NLGN4X: variants seen among roughly 807,000 people sequenced by gnomAD.
The protein encoded by NLGN4X is neuroligin 4 X-linked, also known as neuroligin-4, X-linked.
In NLGN4X, 3 loss-of-function variants were observed where a neutral mutation model predicts 40.3. That is an observed-to-expected ratio of 0.07 (90% CI 0.03 to 0.19). The LOEUF (loss-of-function observed/expected upper bound fraction) is 0.19. Among genes scored for constraint, NLGN4X ranks in the 10% least tolerant of loss-of-function variants. The pLI is 1.00. For synonymous variants in NLGN4X, 270 were observed against 306.8 expected (o/e 0.88, Z 1.25); for missense variants, 382 against 708.3 (o/e 0.54, Z 5.23).
At chrX:6,040,439 T>TAA (rs746194241) in intron 2 of NLGN4X, among the ~76,000 whole-genome samples, 7 of 99,061 alleles carry the variant, frequency 7.1e-5, no homozygotes, top group African/African-American at 1.8e-4. Flanking sequence ...ATAAGTATTA[T>TAA]AATTTATCAC....
intron 2 of NLGN4X, among the ~76,000 whole-genome samples, chrX:6,087,212 T>C (rs1000187315): frequency 1.6e-4 from 18 of 111,873 alleles, no homozygotes; most frequent in African/African-American, 5.2e-4. Context: ...CACCGTACCA[T>C]AGTCACCTTC....
chrX:6,042,905 AT>A (rs2037213591), intron 2 of NLGN4X, among the ~76,000 whole-genome samples: 1 of 103,249 alleles, frequency 9.7e-6, no homozygotes, highest in Admixed American at 1.1e-4. Context: ...GTGAAATCCC[AT>A]CTTTACTAAA....
intron 2 of NLGN4X, among the ~76,000 whole-genome samples, chrX:6,072,039 T>C (rs994888296): frequency 1.8e-5 from 2 of 110,630 alleles, no homozygotes; most frequent in Non-Finnish European, 3.8e-5. Flanking sequence ...TCCTTTTTTT[T>C]CCCATGAGCT....
intron 2 of NLGN4X, among the ~76,000 whole-genome samples, chrX:6,149,716 G>T (rs1478433580): frequency 1.8e-5 from 2 of 111,466 alleles, no homozygotes; most frequent in Non-Finnish European, 3.8e-5. Flanking sequence ...ATATAATGAA[G>T]CAGAATCCTT....
intron 1 of NLGN4X, among the ~76,000 whole-genome samples, chrX:6,200,090 G>A (rs928664156): frequency 4.5e-5 from 5 of 111,891 alleles, no homozygotes; most frequent in South Asian, 3.7e-4. Flanking sequence ...TATCTATAGA[G>A]TGTCTTACAA....
In NLGN4X at chrX:5,890,156, C is replaced by T; in HGVS notation, c.*2661G>A. ...TAAGGCAAAATAAAAAACAAAACTG[C>T]AAAATAATAACCCAAGGAACCATTA... On this transcript the variant is annotated 3_prime_UTR_variant, in exon 6 of 6. Coordinates refer to ENST00000381095, the MANE Select transcript of NLGN4X (RefSeq NM_181332.3). The T allele has an allele frequency of 4.9e-6, 1 of 202,605 alleles. No individual in the cohort carries two copies. The highest frequency in any genetic ancestry group is 9.0e-6 in the Non-Finnish European group (1 of 111,724). 16.7% of individuals were successfully genotyped at this position (202,605 alleles called of 1,213,427 possible). A position where few individuals can be genotyped will look rare whatever the true frequency, so the allele number is the denominator to read the frequency against.
intron 3 of NLGN4X, among the ~76,000 whole-genome samples, chrX:5,913,577 C>A (rs1026838744): frequency 4.5e-5 from 5 of 111,864 alleles, no homozygotes; most frequent in African/African-American, 1.6e-4. Context: ...TTGTAATCAG[C>A]AACCTCTCCT....
At chrX:6,095,110 TGTG>T (rs2038738041) in intron 2 of NLGN4X, among the ~76,000 whole-genome samples, 2 of 44,131 alleles carry the variant, frequency 4.5e-5, no homozygotes, top group East Asian at 9.9e-4. Flanking sequence ...TGCGTGTGTG[TGTG>T]TGTGTGTGTG....
At chrX:6,005,898 C>T (rs893283468) in intron 3 of NLGN4X, among the ~76,000 whole-genome samples, 1 of 111,414 alleles carries the variant, frequency 9.0e-6, no homozygotes, top group Non-Finnish European at 1.9e-5. Context: ...AAATCATTTA[C>T]TATCCCCCTA....
rs755200850 is a variant in NLGN4X at position 5,903,996 on chromosome X, T to C, written c.812-130A>G. ...CTGGATGTAGTAGCATTCAGCTCTG[T>C]CAGGGGCCCTTTTACCCATTTTCAT... is the stretch of plus-strand genomic sequence containing the variant. On this transcript the variant is annotated intron_variant, in intron 4 of 5. Transcript: ENST00000381095. 46 of 802,212 alleles carry C rather than the reference T, an allele frequency of 5.7e-5. No individual in the cohort carries two copies. The East Asian group carries it at 1.0e-3, about 18-fold the overall frequency. The allele number at this position is 802,212 out of a possible 1,213,427, so 66.1% of individuals were successfully genotyped here.
chrX:6,226,330 A>G (rs1926314817), intron 1 of NLGN4X, among the ~76,000 whole-genome samples: 1 of 110,442 alleles, frequency 9.1e-6, no homozygotes, highest in Non-Finnish European at 1.9e-5. Flanking sequence ...CCGGAAAAAA[A>G]AAAAGCCTTC....
chrX:6,065,642 T>C (rs2037893782), intron 2 of NLGN4X, among the ~76,000 whole-genome samples: 1 of 111,123 alleles, frequency 9.0e-6, no homozygotes, highest in Admixed American at 9.6e-5. Flanking sequence ...GTGATAGAAG[T>C]GCAATGTCTA....
intron 1 of NLGN4X, among the ~76,000 whole-genome samples, chrX:6,170,465 T>C (rs961297344): frequency 6.2e-5 from 7 of 112,215 alleles, no homozygotes; most frequent in Admixed American, 5.7e-4. Flanking sequence ...GCAGGTACAT[T>C]TGAGAAATCA....
chrX:5,973,306 A>G (rs902650136), intron 3 of NLGN4X, among the ~76,000 whole-genome samples: 4 of 112,616 alleles, frequency 3.6e-5, no homozygotes, highest in African/African-American at 1.3e-4. Flanking sequence ...CTGCAAGGGC[A>G]GATTTGAGTA....
chrX:6,072,214 T>C (rs186250923), intron 2 of NLGN4X, among the ~76,000 whole-genome samples: 263 of 111,007 alleles, frequency 2.4e-3, no homozygotes, highest in African/African-American at 8.1e-3. Flanking sequence ...TTTACCTCCG[T>C]GAAACAAACT....
intron 1 of NLGN4X, among the ~76,000 whole-genome samples, chrX:6,183,220 C>A (rs1296661818): frequency 8.9e-6 from 1 of 112,551 alleles, no homozygotes; most frequent in Non-Finnish European, 1.9e-5. Flanking sequence ...TTTGAAATTT[C>A]TTTCCAAAGC....
rs770712648 is a variant in NLGN4X, at chrX:5,903,530, A to G, written c.1148T>C (p.Ile383Thr). Residue 383 changes from isoleucine to threonine, a missense_variant, in exon 5 of 6, where the codon ATC becomes ACC. By Grantham distance (89) the Ile-to-Thr change is moderately conservative. Transcript: ENST00000381095. ...QGEGLKFVDG[I>T]VDNEDGVTPN... is the part of the protein sequence containing the mutation. Reference sequence around the variant, plus strand: ...CGTCACACCGTCCTCGTTATCCACGATGCCGTCCACGAACTTCAGGCCTTC... The same window carrying G: ...CGTCACACCGTCCTCGTTATCCACGGTGCCGTCCACGAACTTCAGGCCTTC... 8.3e-7 allele frequency: 1 copy of G among 1,207,746 alleles called. No homozygotes were observed. Among genetic ancestry groups the G allele is most frequent in the East Asian group, 3.0e-5 (1 of 33,687 alleles).
At chrX:6,153,983 T>G (rs1445790334) in intron 1 of NLGN4X, among the ~76,000 whole-genome samples, 1 of 112,582 alleles carries the variant, frequency 8.9e-6, no homozygotes, top group African/African-American at 3.2e-5. Context: ...CACTCCCTTG[T>G]TTTTTGAAAT....
At chrX:6,082,298 G>A (rs2038368454) in intron 2 of NLGN4X, among the ~76,000 whole-genome samples, 1 of 111,152 alleles carries the variant, frequency 9.0e-6, no homozygotes, top group Admixed American at 9.6e-5. Flanking sequence ...CACTATAGAA[G>A]GCTGACGCAG....
Sources: gnomAD v4.1 joint callset for allele counts (sites outside exome capture counted in the v4.1 genomes callset) on GRCh38, gnomAD v4.1.1 for gene constraint, MANE v1.5 for transcripts, NCBI Gene and HGNC (gene_info 2026-07-23, HGNC 2026-07-21) for gene names.